The following GPM6A variants were observed in gnomAD, a reference collection of about 807,000 sequenced individuals.
The protein encoded by GPM6A is glycoprotein M6A, also known as neuronal membrane glycoprotein M6-a.
In GPM6A, 7 loss-of-function variants were observed where a neutral mutation model predicts 32.1. The ratio of observed to expected loss-of-function variants is 0.22; its 90% CI spans 0.12 to 0.41. GPM6A has a LOEUF of 0.41. Among genes scored for constraint, GPM6A ranks in the 10% least tolerant of loss-of-function variants. GPM6A has a pLI of 1.00. For synonymous variants in GPM6A, 130 were observed against 123.4 expected, an observed-to-expected ratio of 1.05 and a Z score of -0.35; for missense variants, 235 against 347.2, an observed-to-expected ratio of 0.68 and a Z score of 2.57.
At chr4:175,638,356 G>A (rs1740936722) in intron 6 of GPM6A, among the ~76,000 whole-genome samples, 1 of 151,850 alleles carries the variant, frequency 6.6e-6, no homozygotes, top group Non-Finnish European at 1.5e-5. Flanking sequence ...AAATACTTAG[G>A]TCAATCATTT....
intron 1 of GPM6A, among the ~76,000 whole-genome samples, chr4:175,958,501 A>G (rs1183594941): frequency 1.3e-5 from 2 of 152,318 alleles, no homozygotes; most frequent in Admixed American, 6.5e-5. Flanking sequence ...TCTAAATTCA[A>G]TTGCTAACTG....
chr4:175,918,249 G>C (rs893626627), intron 1 of GPM6A, among the ~76,000 whole-genome samples: 41 of 152,092 alleles, frequency 2.7e-4, no homozygotes, highest in African/African-American at 9.9e-4. Flanking sequence ...AAAAACATTG[G>C]AGAAACTACA....
At position 175,758,051 on chromosome 4, in the gene GPM6A, A is replaced by G. The variant is rs181555019; in HGVS notation, c.37+54140T>C. On this transcript the variant is annotated intron_variant, in intron 1 of 6. Transcript: ENST00000393658. ...TGCCATCACACAATGGAAGAAGTTC[A>G]GTTCCTGGAGTAGGAAAGGCCTCTG... is the stretch of plus-strand genomic sequence containing the variant. Among the ~76,000 whole-genome samples the G allele has an allele frequency of 3.5e-4, 53 of 152,330 alleles. 2 individuals are homozygous for G. The East Asian group carries it at 9.6e-3, about 28-fold the overall frequency.
chr4:175,911,572 A>C (rs1005898816), intron 1 of GPM6A, among the ~76,000 whole-genome samples: 36 of 152,198 alleles, frequency 2.4e-4, no homozygotes, highest in Non-Finnish European at 3.8e-4. Flanking sequence ...TGACGGAGGA[A>C]CAATAAAGTA....
At chr4:175,785,182 G>A (rs1733752723) in intron 1 of GPM6A, among the ~76,000 whole-genome samples, 1 of 152,144 alleles carries the variant, frequency 6.6e-6, no homozygotes, top group Non-Finnish European at 1.5e-5. Context: ...CCCTGACCAA[G>A]TCCAATCGCC....
At chr4:175,707,943 G>T (rs1387300024) in intron 1 of GPM6A, among the ~76,000 whole-genome samples, 1 of 151,704 alleles carries the variant, frequency 6.6e-6, no homozygotes, top group Non-Finnish European at 1.5e-5. Context: ...AGTGAAACTT[G>T]CATTCATGAG....
chr4:175,850,712 ATAAG>A (rs1447701219), intron 1 of GPM6A, among the ~76,000 whole-genome samples: 3 of 151,910 alleles, frequency 2.0e-5, no homozygotes, highest in African/African-American at 7.2e-5. Context: ...TGTAAAATAA[ATAAG>A]TATGTAAATA....
intron 1 of GPM6A, among the ~76,000 whole-genome samples, chr4:175,853,733 G>A (rs116256256): frequency 0.011 from 1,731 of 151,940 alleles, 38 homozygotes; most frequent in African/African-American, 0.039. Context: ...ATGACTCTGA[G>A]GTTTTATTTC....
At chr4:175,824,025 G>A (rs558176474) in intron 1 of GPM6A, among the ~76,000 whole-genome samples, 2 of 152,264 alleles carry the variant, frequency 1.3e-5, no homozygotes, top group Admixed American at 1.3e-4. Flanking sequence ...TAGAGAGTTT[G>A]TCAGTTCTGA....
At position 175,661,559 on chromosome 4, in the gene GPM6A, G is replaced by A. The variant is rs371640378; in HGVS notation, c.388-9572C>T. Among the ~76,000 whole-genome samples the A allele has an allele frequency of 1.5e-3, 221 of 152,176 alleles. 10 individuals are homozygous for A. The South Asian group carries it at 0.045, about 31-fold the overall frequency. ...TTATTGTTTTAAAGGTGTTTCCATTGTTTGAAAGCATATGATCCCTAAACC... is the reference window on the plus strand; with the variant it reads ...TTATTGTTTTAAAGGTGTTTCCATTATTTGAAAGCATATGATCCCTAAACC... On this transcript the variant is annotated intron_variant, in intron 3 of 6. Transcript: ENST00000393658.
chr4:175,987,667 G>A (rs1741020527), intron 1 of GPM6A, among the ~76,000 whole-genome samples: 1 of 151,702 alleles, frequency 6.6e-6, no homozygotes, highest in Non-Finnish European at 1.5e-5. Context: ...TTTTTATTAG[G>A]CCTACAAATA....
In GPM6A at chr4:175,797,222, A is replaced by G. The variant is rs1020979005; in HGVS notation, c.37+14969T>C. Among the ~76,000 whole-genome samples the G allele has an allele frequency of 3.9e-4, 59 of 152,158 alleles. 1 individual carries two copies. The highest frequency in any genetic ancestry group is 1.3e-3 in the African/African-American group (54 of 41,452). On this transcript the variant is annotated intron_variant, in intron 1 of 6. Coordinates refer to ENST00000393658, the MANE Select transcript of GPM6A (RefSeq NM_201591.3). The stretch of plus-strand genomic sequence containing the variant: ...ACTGATAGTTATACTTTTTACTTTC[A>G]TTTTATTCATTTTATTTGTGGATGA...
chr4:175,904,346 T>G (rs186550668), intron 1 of GPM6A, among the ~76,000 whole-genome samples: 30 of 152,304 alleles, frequency 2.0e-4, no homozygotes, highest in African/African-American at 6.5e-4. Context: ...GTGTCAAGCA[T>G]TCTTAGACTT....
chr4:175,747,280 A>T (rs1732146369), intron 1 of GPM6A, among the ~76,000 whole-genome samples: 2 of 151,668 alleles, frequency 1.3e-5, no homozygotes, highest in African/African-American at 2.4e-5. Flanking sequence ...AAAAAAAAAA[A>T]AAAAAAAAAA....
At position 175,970,868 on chromosome 4, in the gene GPM6A, C is replaced by T; in HGVS notation, c.-23+31441G>A. 4.4e-6 allele frequency: 2 copies of T among 456,206 alleles called. 1 individual carries two copies. The highest frequency in any genetic ancestry group is 3.1e-5 in the South Asian group (2 of 64,566). The allele number at this position is 456,206 out of a possible 1,614,324, so 28.3% of individuals were successfully genotyped here. A position where few individuals can be genotyped will look rare whatever the true frequency, so the allele number is the denominator to read the frequency against. On this transcript the variant is annotated intron_variant, in intron 1 of 7. Transcript: ENST00000280187. ...TCTTCCGATTGTTAGATCCACTGCT[C>T]TTACCAAGTGTAGGCATCACTCGAT...
At chr4:175,842,757 C>CT (rs1735979506) in intron 1 of GPM6A, among the ~76,000 whole-genome samples, 1 of 151,846 alleles carries the variant, frequency 6.6e-6, no homozygotes, top group African/African-American at 2.4e-5. Flanking sequence ...CCATGGCCAT[C>CT]TTTTTTCTGC....
intron 1 of GPM6A, among the ~76,000 whole-genome samples, chr4:175,730,240 TTATG>T (rs1181196402): frequency 6.6e-6 from 1 of 152,080 alleles, no homozygotes; most frequent in East Asian, 1.9e-4. Flanking sequence ...TTTCTTTTAT[TTATG>T]TATTTATTTA....
At chr4:175,983,364 G>A (rs1212250464) in intron 1 of GPM6A, among the ~76,000 whole-genome samples, 1 of 152,156 alleles carries the variant, frequency 6.6e-6, no homozygotes, top group Non-Finnish European at 1.5e-5. Flanking sequence ...ATACCATGCA[G>A]AGCTTTCTAT....
At chr4:176,000,215 C>T (rs1002707858) in intron 1 of GPM6A, among the ~76,000 whole-genome samples, 1 of 152,174 alleles carries the variant, frequency 6.6e-6, no homozygotes, top group Non-Finnish European at 1.5e-5. Flanking sequence ...CCCCTGACTA[C>T]GTAAGTTTTT....
Sources: allele counts gnomAD v4.1 joint callset (sites outside exome capture counted in the v4.1 genomes callset), GRCh38; gene constraint gnomAD v4.1.1; transcripts MANE v1.5; gene names NCBI Gene and HGNC (gene_info 2026-07-23, HGNC 2026-07-21).